The following RABGAP1 variants were observed in gnomAD, a reference collection of about 807,000 sequenced individuals.
RABGAP1 encodes the protein rab GTPase-activating protein 1.
RABGAP1 carries 23 observed loss-of-function variants against 137.6 expected under a neutral mutation model. That is an observed-to-expected ratio of 0.17 (90% confidence interval 0.12 to 0.24). RABGAP1 has a LOEUF of 0.24. Among genes scored for constraint, RABGAP1 ranks in the 10% least tolerant of loss-of-function variants. RABGAP1 has a pLI of 1.00. For synonymous variants in RABGAP1, 451 were observed against 450.7 expected, an observed-to-expected ratio of 1.00 and a Z score of -0.01; for missense variants, 906 against 1,275.8, an observed-to-expected ratio of 0.71 and a Z score of 4.42.
rs370002500 is a variant in RABGAP1, at chr9:122,996,520, G to A, written c.1035-19G>A. 16 of 1,588,926 alleles carry A rather than the reference G, an allele frequency of 1.0e-5. No homozygotes were observed. The highest frequency in any genetic ancestry group is 1.8e-5 in the Admixed American group (1 of 55,410). On this transcript the variant is annotated intron_variant, in intron 7 of 25. Transcript: ENST00000373647. ...GTGTTATCTTTTTTCTTAAATTTATGTCAGTTCTTTTTTTGTAGGTGTTTT... is the reference window on the plus strand; with the variant it reads ...GTGTTATCTTTTTTCTTAAATTTATATCAGTTCTTTTTTTGTAGGTGTTTT...
chr9:123,003,119 C>T (rs2029880283), intron 10 of RABGAP1, among the ~76,000 whole-genome samples: 1 of 152,148 alleles, frequency 6.6e-6, no homozygotes, highest in Non-Finnish European at 1.5e-5. Flanking sequence ...CCCCTTGTAA[C>T]TTAATAAACT....
chr9:122,934,842 C>G, the RABGAP1 span, among the ~76,000 whole-genome samples: 1 of 152,166 alleles, frequency 6.6e-6, no homozygotes, highest in Non-Finnish European at 1.5e-5. Flanking sequence ...TCCCATCAAG[C>G]AATCCGCCTG....
chr9:123,007,958 CTA>C (rs889981224), intron 10 of RABGAP1, among the ~76,000 whole-genome samples: 17 of 147,636 alleles, frequency 1.2e-4, no homozygotes, highest in Admixed American at 4.1e-4. Context: ...AATTTAAAAC[CTA>C]TGTTTAAATT....
chr9:122,956,510 C>A (rs1033733137), intron 1 of RABGAP1, among the ~76,000 whole-genome samples: 2 of 152,038 alleles, frequency 1.3e-5, no homozygotes, highest in African/African-American at 4.8e-5. Context: ...ATTAGCCGGG[C>A]GTGGTGGCAG....
chr9:123,027,140 C>T (rs113022753), intron 13 of RABGAP1, among the ~76,000 whole-genome samples: 6 of 140,732 alleles, frequency 4.3e-5, no homozygotes, highest in South Asian at 2.2e-4. Flanking sequence ...GACGGACTCT[C>T]GCTCTCTCGC....
intron 2 of RABGAP1, among the ~76,000 whole-genome samples, chr9:122,957,848 A>G (rs1297394109): frequency 6.6e-6 from 1 of 151,878 alleles, no homozygotes; most frequent in African/African-American, 2.4e-5. Context: ...GGTGAACAAC[A>G]CAGGCAAAAC....
At chr9:123,011,770 C>T (rs573664835) in intron 11 of RABGAP1, among the ~76,000 whole-genome samples, 113 of 146,270 alleles carry the variant, frequency 7.7e-4, no homozygotes, top group Admixed American at 5.6e-3. Context: ...GTCTGGCCAA[C>T]ATGGTGAAAC....
chr9:122,981,763 T>G (rs1211398915), intron 2 of RABGAP1, among the ~76,000 whole-genome samples: 2 of 152,184 alleles, frequency 1.3e-5, no homozygotes, highest in African/African-American at 4.8e-5. Context: ...GATTAAAGTA[T>G]GCAGGCCGGG....
intron 2 of RABGAP1, among the ~76,000 whole-genome samples, chr9:122,980,330 G>A (rs1340534555): frequency 6.6e-6 from 1 of 152,060 alleles, no homozygotes; most frequent in Non-Finnish European, 1.5e-5. Flanking sequence ...TCCTTATGTT[G>A]CCCAGGCTGG....
At chr9:123,074,191 CT>C in intron 16 of RABGAP1, 93 bp from the exon 17 acceptor site, 1 of 1,461,578 alleles carries the variant, frequency 6.8e-7, no homozygotes. Flanking sequence ...AAGTATTTTA[CT>C]TTTTTGGCCT....
intron 2 of RABGAP1, among the ~76,000 whole-genome samples, chr9:122,979,395 T>G (rs1835936122): frequency 6.6e-6 from 1 of 152,234 alleles, no homozygotes; most frequent in Non-Finnish European, 1.5e-5. Context: ...ATCAGATATA[T>G]GACTTGCAAA....
Position 122,990,168 on chromosome 9 carries a change from C to G in RABGAP1, c.878C>G (p.Ser293Cys). The change falls in exon 6 of 26, where the codon TCT (serine) becomes TGT (cysteine). Residue 293 changes from serine to cysteine, a missense_variant. Ser to Cys is a moderately radical substitution (Grantham distance 112). Around this residue, in one of 9 missense-constraint regions of RABGAP1, gnomAD observed 331 missense variants for 358.3 expected, o/e 0.92. Transcript: ENST00000373647. The stretch of plus-strand genomic sequence containing the variant: ...CCTGACAGTGACATCTTTACCTTCT[C>G]TGTGTCTTTAGAAATAAAAGAAGAT... ...QTPDSDIFTF[S>C]VSLEIKEDDG... 6.2e-7 allele frequency: 1 copy of G among 1,611,484 alleles called. No homozygotes were observed. The highest frequency in any genetic ancestry group is 8.5e-7 in the Non-Finnish European group (1 of 1,177,870).
At chr9:123,006,157 G>T (rs2030241559) in intron 10 of RABGAP1, among the ~76,000 whole-genome samples, 1 of 152,054 alleles carries the variant, frequency 6.6e-6, no homozygotes, top group Non-Finnish European at 1.5e-5. Flanking sequence ...TTACATCATG[G>T]TGATTCTTTT....
At chr9:123,094,245 C>T (rs777240443) in intron 21 of RABGAP1, among the ~76,000 whole-genome samples, 5 of 152,288 alleles carry the variant, frequency 3.3e-5, no homozygotes, top group Admixed American at 6.5e-5. Context: ...TCTTGTCTCA[C>T]TGCACTGACT....
At chr9:123,001,488 A>G (rs1837324040) in intron 10 of RABGAP1, among the ~76,000 whole-genome samples, 1 of 152,210 alleles carries the variant, frequency 6.6e-6, no homozygotes, top group Non-Finnish European at 1.5e-5. Flanking sequence ...GGGTATATTT[A>G]GAAAAAGGAA....
intron 10 of RABGAP1, among the ~76,000 whole-genome samples, chr9:123,007,409 G>T (rs1447250505): frequency 3.9e-5 from 5 of 126,976 alleles, no homozygotes; most frequent in Admixed American, 9.0e-5. Context: ...ACAGAGTCTT[G>T]CTCTATTACA....
At position 123,081,773 on chromosome 9, in the gene RABGAP1, T is replaced by C. The variant is rs1367214077; in HGVS notation, c.2424+5011T>C. On this transcript the variant is annotated intron_variant, in intron 19 of 25. Transcript: ENST00000373647. ...GTGTTTTAATATTATGATATTGTTG[T>C]AATTTGTAGTATTGATATAGTTCTT... 2.6e-5 allele frequency among the ~76,000 whole-genome samples: 4 copies of C among 152,196 alleles called. No homozygotes were observed. In the South Asian group the frequency reaches 8.3e-4, roughly 31 times the overall value.
rs140629150 is a variant in RABGAP1, at chr9:122,989,399, T to C, written c.693T>C (p.Phe231=). The change falls in exon 5 of 26, where the codon TTT becomes TTC. Residue 231 remains phenylalanine, a synonymous_variant. Transcript: ENST00000373647. The part of the protein sequence containing the change: ...GHDGTPESDC[F]AFTESHYNAE... The stretch of plus-strand genomic sequence containing the variant: ...ATGGAACTCCTGAGAGTGACTGTTT[T>C]GCTTTCACTGAAAGTCATTACAATG... 103 of 1,614,090 alleles carry C rather than the reference T, an allele frequency of 6.4e-5. No homozygotes were observed. The African/African-American group carries it at 7.7e-4, about 12-fold the overall frequency.
intron 11 of RABGAP1, among the ~76,000 whole-genome samples, chr9:123,012,527 T>C (rs2030891945): frequency 6.6e-6 from 1 of 152,212 alleles, no homozygotes; most frequent in Admixed American, 6.5e-5. Flanking sequence ...AAGTTTTAAT[T>C]TATAGCAGAC....
Sources: allele counts gnomAD v4.1 joint callset (sites outside exome capture counted in the v4.1 genomes callset), GRCh38; gene constraint gnomAD v4.1.1; regional missense constraint gnomAD v4.1.1; transcripts MANE v1.5; gene names NCBI Gene and HGNC (gene_info 2026-07-23, HGNC 2026-07-21).